LOXL2: variants seen among roughly 807,000 people sequenced by gnomAD.
The protein encoded by LOXL2 is lysyl oxidase homolog 2.
LOXL2 carries 70 observed loss-of-function variants against 93.0 expected under a neutral mutation model. That is an observed-to-expected ratio of 0.75 (90% CI 0.62 to 0.92). LOXL2 has a LOEUF of 0.92. LOXL2 is among the 40% of genes least tolerant of loss of function. LOXL2 has a pLI of 0.00. For missense variants in LOXL2, 973 were observed against 1,054.9 expected (o/e 0.92, Z 1.08); for synonymous variants, 438 against 413.2 (o/e 1.06, Z -0.73).
intron 12 of LOXL2, 122 bp downstream of exon 12, chr8:23,301,905 C>T: frequency 1.6e-6 from 2 of 1,224,696 alleles, no homozygotes; most frequent in East Asian, 2.5e-5. Flanking sequence ...CTGGGGGTAG[C>T]ACCTTGCCCT....
Position 23,333,718 on chromosome 8 carries a change from C to A in LOXL2, c.744-95G>T, listed in dbSNP as rs1304284653. ...GCAGAACATGAGAGACTGGGCCCTG[C>A]TCCTGGAGCTCAGCCCTGCTTCACA... On this transcript the variant is annotated intron_variant, in intron 4 of 13. Coordinates refer to ENST00000389131, the MANE Select transcript of LOXL2 (RefSeq NM_002318.3). 4.2e-6 allele frequency: 4 copies of A among 959,654 alleles called. No homozygotes were observed. The African/African-American group carries it at 4.9e-5, about 12-fold the overall frequency. 59.4% of individuals were successfully genotyped at this position (959,654 alleles called of 1,614,324 possible). A position where few individuals can be genotyped will look rare whatever the true frequency, so the allele number is the denominator to read the frequency against.
chr8:23,380,183 A>G (rs1804660294), intron 1 of LOXL2, among the ~76,000 whole-genome samples: 1 of 152,082 alleles, frequency 6.6e-6, no homozygotes, highest in South Asian at 2.1e-4. Flanking sequence ...TCACGAGGTC[A>G]AGAGATCGAG....
chr8:23,317,427 C>T (rs929099943), intron 8 of LOXL2, among the ~76,000 whole-genome samples: 1 of 152,120 alleles, frequency 6.6e-6, no homozygotes, highest in East Asian at 1.9e-4. Flanking sequence ...GTTGCCCACT[C>T]CCCAGTCCTG....
intron 1 of LOXL2, among the ~76,000 whole-genome samples, chr8:23,373,306 G>A (rs1418514968): frequency 1.3e-5 from 2 of 152,048 alleles, no homozygotes; most frequent in African/African-American, 4.8e-5. Flanking sequence ...AGCCAGCGGA[G>A]GGGGGGCCTA....
chr8:23,385,232 T>G lies in LOXL2; in HGVS notation c.-83-16798A>C, dbSNP rs553399903. On this transcript the variant is annotated intron_variant, in intron 1 of 13. Transcript: ENST00000389131. The stretch of plus-strand genomic sequence containing the variant: ...GGTGGGCTTCTGTGGAAGAGAAAGT[T>G]GGATTTTTTTTCTTTTTTTTTTTTT... Among the ~76,000 whole-genome samples, 3 of 149,226 alleles carry G rather than the reference T, an allele frequency of 2.0e-5. No homozygotes were observed. In the East Asian group the frequency reaches 5.9e-4, roughly 29 times the overall value.
chr8:23,302,016 AC>A lies in LOXL2; in HGVS notation c.2133+10del. ...CCCTGCAGGGCTGGAACCCCTTCCC[AC>A]CCACCTCACCTGGAACAGGTAGTCT... On this transcript the variant is annotated intron_variant, in intron 12 of 13. Coordinates refer to ENST00000389131, the MANE Select transcript of LOXL2 (RefSeq NM_002318.3). The A allele has an allele frequency of 6.2e-7, 1 of 1,613,716 alleles. No homozygotes were observed. The highest frequency in any genetic ancestry group is 8.5e-7 in the Non-Finnish European group (1 of 1,179,804).
At chr8:23,304,851 G>C (rs1803203814) in intron 10 of LOXL2, among the ~76,000 whole-genome samples, 1 of 152,232 alleles carries the variant, frequency 6.6e-6, no homozygotes, top group Non-Finnish European at 1.5e-5. Context: ...CTGTGTACGG[G>C]CAGTGGGGGC....
At chr8:23,314,953 G>GA (rs1803370856) in intron 9 of LOXL2, among the ~76,000 whole-genome samples, 2 of 152,224 alleles carry the variant, frequency 1.3e-5, no homozygotes, top group Admixed American at 6.5e-5. Context: ...CTGAGGATGG[G>GA]AGGGGGTGGC....
chr8:23,331,106 T>G (rs1448950117), intron 5 of LOXL2, among the ~76,000 whole-genome samples: 1 of 152,168 alleles, frequency 6.6e-6, no homozygotes, highest in Non-Finnish European at 1.5e-5. Context: ...TTTATCCGGC[T>G]CTTGTCACGG....
At chr8:23,344,128 C>T (rs907651527) in intron 3 of LOXL2, among the ~76,000 whole-genome samples, 3 of 152,140 alleles carry the variant, frequency 2.0e-5, no homozygotes, top group Admixed American at 6.5e-5. Context: ...GAAAGAGCTA[C>T]GCGGGCCTGA....
chr8:23,322,440 G>C (rs1803511585), intron 6 of LOXL2, among the ~76,000 whole-genome samples, 159 bp from the exon 7 acceptor site: 1 of 152,162 alleles, frequency 6.6e-6, no homozygotes, highest in African/African-American at 2.4e-5. Context: ...CTTCTCCCCA[G>C]AGAGAACAGT....
At position 23,368,121 on chromosome 8, in the gene LOXL2, A is replaced by G. The variant is rs2117213543; in HGVS notation, c.231T>C (p.Asp77=). ...HSEGRVEVYY[D]GQWGTVCDDD... ...CATCGCACACGGTGCCCCACTGGCC[A>G]TCATAGTACACCTCCACCCGGCCCT... Residue 77 remains aspartate, a synonymous_variant, in exon 2 of 14, where the codon GAT becomes GAC. Coordinates refer to ENST00000389131, the MANE Select transcript of LOXL2 (RefSeq NM_002318.3). 1 of 1,614,120 alleles carries G rather than the reference A, an allele frequency of 6.2e-7. No individual in the cohort carries two copies. Among genetic ancestry groups the G allele is most frequent in the Non-Finnish European group, 8.5e-7 (1 of 1,180,026 alleles).
rs555432241 is a variant in LOXL2 at position 23,334,291 on chromosome 8, G to A, written c.744-668C>T. Among the ~76,000 whole-genome samples the A allele has an allele frequency of 2.7e-4, 41 of 152,326 alleles. 1 individual carries two copies. In the East Asian group the frequency reaches 6.4e-3, roughly 24 times the overall value. On this transcript the variant is annotated intron_variant, in intron 4 of 13. Coordinates refer to ENST00000389131, the MANE Select transcript of LOXL2 (RefSeq NM_002318.3). Reference sequence around the variant, plus strand: ...TGATCTCAAATGATCTGCCTGCCTCGGCCTCCCAAAGTGCTGGGATTATAG... The same window carrying A: ...TGATCTCAAATGATCTGCCTGCCTCAGCCTCCCAAAGTGCTGGGATTATAG...
At chr8:23,352,016 T>C (rs1039855977) in intron 3 of LOXL2, among the ~76,000 whole-genome samples, 2 of 151,696 alleles carry the variant, frequency 1.3e-5, no homozygotes, top group African/African-American at 2.4e-5. Flanking sequence ...TCTCGTCACG[T>C]TGGCCAGGCT....
chr8:23,326,298 C>A (rs1391869715), intron 6 of LOXL2, among the ~76,000 whole-genome samples: 1 of 152,148 alleles, frequency 6.6e-6, no homozygotes, highest in Non-Finnish European at 1.5e-5. Context: ...CTGCTCTGGG[C>A]AGTGAAATGA....
rs150786361 is a variant in LOXL2 at position 23,326,583 on chromosome 8, G to A, written c.1150+1799C>T. ...AGCCTGGCCAACATGGTGAAACCCC[G>A]TCTTTACTAAAAATACAAAAATTAG... On this transcript the variant is annotated intron_variant, in intron 6 of 13. Transcript: ENST00000389131. Among the ~76,000 whole-genome samples, 1,290 of 152,196 alleles carry A rather than the reference G, an allele frequency of 8.5e-3. 81 individuals carry two copies. The East Asian group carries it at 0.16, about 19-fold the overall frequency.
chr8:23,308,516 G>A, intron 10 of LOXL2, among the ~76,000 whole-genome samples: 1 of 152,178 alleles, frequency 6.6e-6, no homozygotes, highest in East Asian at 1.9e-4. Flanking sequence ...TAGTGGTAGA[G>A]GCCTGTCTCC....
At position 23,302,062 on chromosome 8, in the gene LOXL2, T is replaced by C. The variant is rs776644989; in HGVS notation, c.2098A>G (p.Ile700Val). The change falls in exon 12 of 14, where the codon ATC becomes GTC. Residue 700 changes from isoleucine to valine, a missense_variant. Transcript: ENST00000389131. ...TAGTCTCCAGGGGGCACGTCAGTGA[T>C]GTCAACCCACTGGCAGTCGATGTCA... ...RHDIDCQWVD[I>V]TDVPPGDYLF... 1.2e-6 allele frequency: 2 copies of C among 1,614,152 alleles called. No homozygotes were observed. Among genetic ancestry groups the C allele is most frequent in the South Asian group, 2.2e-5 (2 of 91,074 alleles).
At chr8:23,402,246 AAC>A (rs1020048957) in intron 1 of LOXL2, among the ~76,000 whole-genome samples, 6 of 151,318 alleles carry the variant, frequency 4.0e-5, no homozygotes, top group African/African-American at 7.3e-5. Flanking sequence ...CACATACACA[AAC>A]ACACTCGTGT....
Sources: allele counts gnomAD v4.1 joint callset (sites outside exome capture counted in the v4.1 genomes callset), GRCh38; gene constraint gnomAD v4.1.1; transcripts MANE v1.5; gene names NCBI Gene and HGNC (gene_info 2026-07-23, HGNC 2026-07-21).